TOP6BL: variants seen among roughly 807,000 people sequenced by gnomAD.
TOP6BL encodes the protein type 2 DNA topoisomerase 6 subunit B-like.
the TOP6BL span, among the ~76,000 whole-genome samples, chr11:66,797,808 A>G: frequency 2.4e-3 from 372 of 152,138 alleles, 1 homozygote; most frequent in African/African-American, 8.3e-3. Flanking sequence ...ATGCCTGGCC[A>G]AGAAATTTTG....
the TOP6BL span, chr11:66,828,494 T>G: frequency 1.1e-5 from 7 of 652,330 alleles, no homozygotes; most frequent in South Asian, 1.3e-4. Flanking sequence ...CAAGGAAGTC[T>G]GTGAAACAAA....
chr11:66,762,029 T>A, the TOP6BL span: 2 of 1,492,662 alleles, frequency 1.3e-6, no homozygotes, highest in South Asian at 1.1e-5. Flanking sequence ...TGACAGTGAT[T>A]TTTTCCCCCC....
the TOP6BL span, among the ~76,000 whole-genome samples, chr11:66,779,324 A>G: frequency 1.6e-3 from 237 of 152,032 alleles, no homozygotes; most frequent in African/African-American, 5.6e-3. Context: ...CAAGAAAAAA[A>G]CAACCCCATC....
At chr11:66,843,056 G>T in the TOP6BL span, 1 of 1,566,874 alleles carries the variant, frequency 6.4e-7, no homozygotes, top group Non-Finnish European at 8.6e-7. Flanking sequence ...GCGAGCCTCG[G>T]AAGCCGCCTG....
At chr11:66,761,319 C>T in the TOP6BL span, among the ~76,000 whole-genome samples, 20 of 150,838 alleles carry the variant, frequency 1.3e-4, no homozygotes, top group African/African-American at 4.1e-4. Flanking sequence ...TGCAGTGAGC[C>T]GAGATTGCGC....
the TOP6BL span, among the ~76,000 whole-genome samples, chr11:66,751,996 T>C: frequency 6.6e-6 from 1 of 152,220 alleles, no homozygotes; most frequent in African/African-American, 2.4e-5. Context: ...TTTTCCAGTG[T>C]ATCCTGACCT....
At chr11:66,751,878 CTG>C in the TOP6BL span, among the ~76,000 whole-genome samples, 1 of 152,098 alleles carries the variant, frequency 6.6e-6, no homozygotes, top group Non-Finnish European at 1.5e-5. Context: ...ATTTTATTTT[CTG>C]TTTTTATCAT....
the TOP6BL span, among the ~76,000 whole-genome samples, chr11:66,809,906 C>T: frequency 1.3e-5 from 2 of 152,006 alleles, no homozygotes; most frequent in South Asian, 4.2e-4. Flanking sequence ...GAGACAGGGT[C>T]TCACCCCCGA....
At chr11:66,810,791 C>G in the TOP6BL span, among the ~76,000 whole-genome samples, 1 of 152,030 alleles carries the variant, frequency 6.6e-6, no homozygotes, top group African/African-American at 2.4e-5. Flanking sequence ...AAATTATTTC[C>G]TTTTGGCATA....
the TOP6BL span, among the ~76,000 whole-genome samples, chr11:66,799,256 C>G: frequency 2.0e-5 from 3 of 149,930 alleles, no homozygotes; most frequent in African/African-American, 7.4e-5. Context: ...CATGGTGGCG[C>G]GTGCCTGTAG....
chr11:66,843,408 C>T, the TOP6BL span: 1 of 1,425,704 alleles, frequency 7.0e-7, no homozygotes, highest in Non-Finnish European at 9.1e-7. Context: ...ACGTCACCCA[C>T]ACCTCCCTGG....
At chr11:66,746,703 A>G in the TOP6BL span, among the ~76,000 whole-genome samples, 3 of 151,190 alleles carry the variant, frequency 2.0e-5, no homozygotes, top group Admixed American at 6.6e-5. Flanking sequence ...TACAAGAGCA[A>G]AACTCCATCT....
the TOP6BL span, among the ~76,000 whole-genome samples, chr11:66,805,751 G>A: frequency 6.6e-6 from 1 of 151,906 alleles, no homozygotes; most frequent in Non-Finnish European, 1.5e-5. Context: ...CACTGTGCTC[G>A]GCCTGGAGGG....
the TOP6BL span, chr11:66,814,009 G>C: frequency 5.5e-5 from 88 of 1,612,802 alleles, no homozygotes; most frequent in Non-Finnish European, 7.2e-5. Context: ...TCTCAATTTG[G>C]ATAGAGGTAT....
At chr11:66,778,010 A>C in the TOP6BL span, among the ~76,000 whole-genome samples, 3 of 152,078 alleles carry the variant, frequency 2.0e-5, no homozygotes, top group African/African-American at 7.2e-5. Context: ...TAAAAGTTTT[A>C]ATTATATTTC....
the TOP6BL span, among the ~76,000 whole-genome samples, chr11:66,754,341 C>A: frequency 6.6e-6 from 1 of 151,898 alleles, no homozygotes; most frequent in Non-Finnish European, 1.5e-5. Flanking sequence ...TTTTTAAAAT[C>A]GTTTCTCTCA....
chr11:66,795,898 A>C, the TOP6BL span: 1 of 156,894 alleles, frequency 6.4e-6, no homozygotes. Flanking sequence ...TCTTTTTTTA[A>C]AATTTCTTTC....
chr11:66,815,998 T>C, the TOP6BL span: 2 of 1,500,358 alleles, frequency 1.3e-6, no homozygotes, highest in African/African-American at 2.8e-5. Flanking sequence ...GTAGTCACTT[T>C]GTATTTCAAG....
the TOP6BL span, among the ~76,000 whole-genome samples, chr11:66,794,768 T>C: frequency 6.6e-6 from 1 of 152,212 alleles, no homozygotes; most frequent in Admixed American, 6.5e-5. Flanking sequence ...AGTCAAGTTC[T>C]GGCTATACTA....
Sources: gnomAD v4.1 joint callset for allele counts (sites outside exome capture counted in the v4.1 genomes callset) on GRCh38, gnomAD v4.1.1 for gene constraint, MANE v1.5 for transcripts, NCBI Gene and HGNC (gene_info 2026-07-23, HGNC 2026-07-21) for gene names.